WDR70: variants seen among roughly 807,000 people sequenced by gnomAD.
The protein encoded by WDR70 is WD repeat-containing protein 70.
A neutral mutation model predicts 88.6 loss-of-function variants in WDR70; 53 were observed. The observed-to-expected ratio is 0.60, with a 90% CI of 0.48 to 0.75. The LOEUF (loss-of-function observed/expected upper bound fraction) is 0.75, where lower values mean the gene tolerates loss of function less well. WDR70 is among the 30% of genes least tolerant of loss of function. The pLI, the probability that WDR70 is intolerant of heterozygous loss-of-function variation, is 0.00. For synonymous variants in WDR70, 280 were observed against 270.0 expected (o/e 1.04, Z -0.36); for missense variants, 610 against 823.2 (o/e 0.74, Z 3.17).
intron 10 of WDR70, among the ~76,000 whole-genome samples, chr5:37,669,948 G>C (rs1316692163): frequency 6.6e-6 from 1 of 151,332 alleles, no homozygotes; most frequent in African/African-American, 2.4e-5. Context: ...GATTTCATTT[G>C]TATGAAGTGT....
intron 5 of WDR70, among the ~76,000 whole-genome samples, chr5:37,410,886 C>G (rs551433796): frequency 7.9e-5 from 12 of 152,294 alleles, no homozygotes; most frequent in African/African-American, 2.9e-4. Flanking sequence ...TTATACATGC[C>G]TTGCCCTAAC....
intron 9 of WDR70, among the ~76,000 whole-genome samples, chr5:37,529,446 T>C (rs1258437536): frequency 6.6e-6 from 1 of 152,176 alleles, no homozygotes; most frequent in Non-Finnish European, 1.5e-5. Flanking sequence ...ATTCTACTCA[T>C]CCATGAGCAT....
chr5:37,735,220 C>G (rs1261091937), intron 17 of WDR70, among the ~76,000 whole-genome samples: 1 of 152,030 alleles, frequency 6.6e-6, no homozygotes, highest in African/African-American at 2.4e-5. Context: ...TTTCAACTTT[C>G]TTTAAATAAG....
chr5:37,379,378 C>T lies in WDR70; in HGVS notation c.11C>T (p.Ser4Phe), dbSNP rs574131159. 3.7e-6 allele frequency: 6 copies of T among 1,613,612 alleles called. No individual in the cohort carries two copies. The highest frequency in any genetic ancestry group is 5.1e-6 in the Non-Finnish European group (6 of 1,179,806). The change falls in exon 1 of 18, where the codon TCT becomes TTT. Residue 4 changes from serine (S) to phenylalanine (F), a missense_variant. Coordinates refer to ENST00000265107, the MANE Select transcript of WDR70 (RefSeq NM_018034.4). ...GGTGTGCGGCCAGCCATGGAGCGCT[C>T]TGGGCCCAGCGAAGGTGGGTTTCAT... MER[S>F]GPSEVTGSDA...
intron 8 of WDR70, among the ~76,000 whole-genome samples, chr5:37,499,536 A>G (rs1740332630): frequency 6.8e-6 from 1 of 147,354 alleles, no homozygotes; most frequent in Non-Finnish European, 1.5e-5. Flanking sequence ...TTTTTTAAAA[A>G]TATATATATT....
chr5:37,404,311 T>C (rs927258975), intron 5 of WDR70, among the ~76,000 whole-genome samples: 2 of 152,180 alleles, frequency 1.3e-5, no homozygotes, highest in Non-Finnish European at 2.9e-5. Flanking sequence ...TCATGTCTCA[T>C]GGATACCTAA....
chr5:37,740,308 T>A (rs1195727843), intron 17 of WDR70, among the ~76,000 whole-genome samples: 1 of 152,190 alleles, frequency 6.6e-6, no homozygotes, highest in Non-Finnish European at 1.5e-5. Context: ...TGTGGATTTC[T>A]AAACGTTTTC....
chr5:37,635,097 C>T lies in WDR70; in HGVS notation c.1092+29859C>T, dbSNP rs977041765. Among the ~76,000 whole-genome samples the T allele has an allele frequency of 2.0e-5, 3 of 152,216 alleles. No individual in the cohort carries two copies. The East Asian group carries it at 5.8e-4, about 29-fold the overall frequency. On this transcript the variant is annotated intron_variant, in intron 10 of 17. Coordinates refer to ENST00000265107, the MANE Select transcript of WDR70 (RefSeq NM_018034.4). ...TCTACAGTTCCCTTGTCTTTTCATG[C>T]CTTGACCCTGTGCCTCTTTTACCTA...
At chr5:37,710,930 T>A (rs1350802284) in intron 13 of WDR70, among the ~76,000 whole-genome samples, 2 of 151,850 alleles carry the variant, frequency 1.3e-5, no homozygotes, top group Admixed American at 1.3e-4. Context: ...CTTTTCAGAG[T>A]CCTCAGATAG....
At chr5:37,520,301 A>G (rs1046409475) in intron 9 of WDR70, among the ~76,000 whole-genome samples, 1 of 152,152 alleles carries the variant, frequency 6.6e-6, no homozygotes, top group African/African-American at 2.4e-5. Flanking sequence ...TAGAAGACAA[A>G]TGACATAATT....
chr5:37,397,152 A>G (rs187005921), intron 5 of WDR70, among the ~76,000 whole-genome samples: 1 of 75,834 alleles, frequency 1.3e-5, no homozygotes, highest in Non-Finnish European at 2.8e-5. Flanking sequence ...GCCCCCCCCA[A>G]CCCCCCCGCA....
At chr5:37,482,493 T>A (rs972940559) in intron 8 of WDR70, among the ~76,000 whole-genome samples, 1 of 152,178 alleles carries the variant, frequency 6.6e-6, no homozygotes, top group Non-Finnish European at 1.5e-5. Context: ...TCATGAGACT[T>A]ATTCAGTACC....
chr5:37,626,896 T>G (rs2112516534), intron 10 of WDR70, among the ~76,000 whole-genome samples: 1 of 152,316 alleles, frequency 6.6e-6, no homozygotes, highest in African/African-American at 2.4e-5. Context: ...ATTTTCAAAT[T>G]TATTGGCATA....
At chr5:37,593,756 G>C (rs113523150) in intron 9 of WDR70, among the ~76,000 whole-genome samples, 1 of 151,992 alleles carries the variant, frequency 6.6e-6, no homozygotes, top group African/African-American at 2.4e-5. Flanking sequence ...ACTAGTTTAC[G>C]GTCCCACCAA....
chr5:37,626,885 A>C (rs1454344399), intron 10 of WDR70, among the ~76,000 whole-genome samples: 1 of 151,856 alleles, frequency 6.6e-6, no homozygotes, highest in African/African-American at 2.4e-5. Context: ...ATTTCCTTTA[A>C]ATTTTCAAAT....
chr5:37,743,761 T>G (rs762437038), intron 17 of WDR70, among the ~76,000 whole-genome samples: 21 of 152,288 alleles, frequency 1.4e-4, no homozygotes, highest in Non-Finnish European at 2.2e-4. Context: ...AGGGACAGAA[T>G]TGGGATCTCC....
chr5:37,745,910 C>T (rs1748624793), intron 17 of WDR70, among the ~76,000 whole-genome samples: 1 of 152,154 alleles, frequency 6.6e-6, no homozygotes, highest in South Asian at 2.1e-4. Flanking sequence ...GAACTCAGCT[C>T]TCGATCAAAT....
intron 9 of WDR70, among the ~76,000 whole-genome samples, chr5:37,595,719 T>C (rs1197759435): frequency 1.3e-5 from 2 of 152,206 alleles, no homozygotes; most frequent in South Asian, 2.1e-4. Context: ...CATTTATTTC[T>C]TTTACAAGAA....
chr5:37,401,468 A>C (rs1052180941), intron 5 of WDR70, among the ~76,000 whole-genome samples: 2 of 151,902 alleles, frequency 1.3e-5, no homozygotes, highest in Non-Finnish European at 2.9e-5. Flanking sequence ...GGCACGCGCC[A>C]CTGCACCCAG....
Sources: allele counts gnomAD v4.1 joint callset (sites outside exome capture counted in the v4.1 genomes callset), GRCh38; gene constraint gnomAD v4.1.1; transcripts MANE v1.5; gene names NCBI Gene and HGNC (gene_info 2026-07-23, HGNC 2026-07-21).